The following DIS3L2 variants were observed in gnomAD, a reference collection of about 807,000 sequenced individuals.
DIS3L2 encodes DIS3 like 3'-5' exoribonuclease 2, also known as DIS3-like exonuclease 2.
DIS3L2 carries 34 observed loss-of-function variants against 97.5 expected under a neutral mutation model. That is an observed-to-expected ratio of 0.35 (90% CI 0.27 to 0.46). The LOEUF is 0.46. DIS3L2 is among the 20% of genes least tolerant of loss of function. The pLI is 1.00. For missense variants in DIS3L2, 1,038 were observed against 1,146.0 expected (o/e 0.91, Z 1.36); for synonymous variants, 435 against 445.2 (o/e 0.98, Z 0.29).
chr2:232,289,638 C>T (rs1694544391), intron 13 of DIS3L2, among the ~76,000 whole-genome samples: 1 of 152,208 alleles, frequency 6.6e-6, no homozygotes, highest in Non-Finnish European at 1.5e-5. Context: ...AACATACTAA[C>T]CCACCCTTGA....
At chr2:231,989,320 AATGT>A (rs1292648285) in intron 1 of DIS3L2, among the ~76,000 whole-genome samples, 2 of 147,534 alleles carry the variant, frequency 1.4e-5, no homozygotes, top group African/African-American at 2.5e-5. Context: ...GAGTTTTAAA[AATGT>A]ATGTGTCAGT....
intron 4 of DIS3L2, 27 bp downstream of exon 4, chr2:232,024,357 T>C (rs761693564): frequency 1.3e-6 from 2 of 1,536,926 alleles, no homozygotes; most frequent in South Asian, 2.4e-5. Flanking sequence ...TATAATAAAC[T>C]TTATGTCACA....
At chr2:232,201,278 A>G (rs1007783354) in intron 9 of DIS3L2, among the ~76,000 whole-genome samples, 2 of 152,258 alleles carry the variant, frequency 1.3e-5, no homozygotes, top group African/African-American at 2.4e-5. Flanking sequence ...ATTTGAGGCC[A>G]GAATGTTCAC....
chr2:232,061,903 C>CTGTA (rs1695719347), intron 5 of DIS3L2, among the ~76,000 whole-genome samples: 1 of 152,220 alleles, frequency 6.6e-6, no homozygotes, highest in African/African-American at 2.4e-5. Flanking sequence ...GGTGCTGATG[C>CTGTA]TGTACCACAC....
chr2:232,244,476 T>C (rs1192725874), intron 11 of DIS3L2, among the ~76,000 whole-genome samples: 7 of 152,230 alleles, frequency 4.6e-5, no homozygotes, highest in Non-Finnish European at 1.0e-4. Context: ...CTTTGTCTTC[T>C]CCATGTGGAG....
At chr2:232,185,415 C>T (rs552887707) in intron 9 of DIS3L2, among the ~76,000 whole-genome samples, 2 of 152,092 alleles carry the variant, frequency 1.3e-5, no homozygotes, top group Non-Finnish European at 2.9e-5. Flanking sequence ...AATGAAAGCA[C>T]AACATATTAA....
At chr2:232,252,389 G>A (rs1693442596) in intron 12 of DIS3L2, among the ~76,000 whole-genome samples, 2 of 152,222 alleles carry the variant, frequency 1.3e-5, no homozygotes, top group Admixed American at 6.5e-5. Context: ...AGCTTGGGCA[G>A]TAAGAGTGAA....
At chr2:232,127,695 C>T (rs73003121) in intron 6 of DIS3L2, among the ~76,000 whole-genome samples, 1,712 of 152,318 alleles carry the variant, frequency 0.011, 17 homozygotes, top group Non-Finnish European at 0.016. Flanking sequence ...ATTCTCATCT[C>T]TAGCCATGCC....
At chr2:232,267,604 G>GT (rs1457868691) in intron 13 of DIS3L2, among the ~76,000 whole-genome samples, 1 of 152,158 alleles carries the variant, frequency 6.6e-6, no homozygotes, top group Admixed American at 6.5e-5. Flanking sequence ...ACTTTTTTAT[G>GT]TTTGTAGTAA....
At chr2:232,170,254 G>A (rs146424992) in intron 9 of DIS3L2, among the ~76,000 whole-genome samples, 35 of 152,210 alleles carry the variant, frequency 2.3e-4, no homozygotes, top group African/African-American at 8.4e-4. Flanking sequence ...CATTCATATT[G>A]TTTTGTTTCC....
At chr2:232,290,228 G>T (rs1373429329) in intron 13 of DIS3L2, among the ~76,000 whole-genome samples, 3 of 152,236 alleles carry the variant, frequency 2.0e-5, no homozygotes, top group Admixed American at 6.5e-5. Context: ...GGCTGCATGT[G>T]ACACACGCAG....
Position 231,982,616 on chromosome 2 carries a change from A to G in DIS3L2, c.-94+20851A>G, listed in dbSNP as rs1693293771. Among the ~76,000 whole-genome samples the G allele has an allele frequency of 2.0e-5, 3 of 151,682 alleles. No individual in the cohort carries two copies. The South Asian group carries it at 6.2e-4, about 31-fold the overall frequency. Reference sequence around the variant, plus strand: ...GAAATCTTTTTTCTATTGATCTGAAATGCCTCCTTTATCATATACTAAATA... The same window carrying G: ...GAAATCTTTTTTCTATTGATCTGAAGTGCCTCCTTTATCATATACTAAATA... On this transcript the variant is annotated intron_variant, in intron 1 of 20. Coordinates refer to ENST00000325385, the MANE Select transcript of DIS3L2 (RefSeq NM_152383.5).
intron 13 of DIS3L2, among the ~76,000 whole-genome samples, chr2:232,294,686 T>G (rs745550425): frequency 1.7e-4 from 26 of 152,162 alleles, no homozygotes; most frequent in Non-Finnish European, 3.1e-4. Flanking sequence ...ACTCCTCTCC[T>G]TGACCTCTCA....
At chr2:232,336,096 A>C (rs1695934493) in intron 20 of DIS3L2, 1 of 1,543,570 alleles carries the variant, frequency 6.5e-7, no homozygotes, top group Non-Finnish European at 8.7e-7. Flanking sequence ...TGGAGAGAGG[A>C]GGGGCTCTGC....
At chr2:232,108,069 G>C (rs1413787023) in intron 6 of DIS3L2, among the ~76,000 whole-genome samples, 1 of 152,084 alleles carries the variant, frequency 6.6e-6, no homozygotes, top group African/African-American at 2.4e-5. Context: ...ACCTGGCAGA[G>C]TTAAATCAAA....
At chr2:232,050,331 G>A (rs1383350485) in intron 5 of DIS3L2, among the ~76,000 whole-genome samples, 1 of 152,142 alleles carries the variant, frequency 6.6e-6, no homozygotes, top group Non-Finnish European at 1.5e-5. Context: ...TAGTGCAATG[G>A]CGTGATTTTG....
In DIS3L2 at chr2:232,336,535, G is replaced by A. The variant is rs547016377; in HGVS notation, c.2563G>A (p.Ala855Thr). 60 of 1,610,466 alleles carry A rather than the reference G, an allele frequency of 3.7e-5. No individual in the cohort carries two copies. The highest frequency in any genetic ancestry group is 1.8e-4 in the South Asian group (16 of 91,050). ...AGAGTCCACAGCCCTCAAGTACAGC[G>A]CCATCCTGAAGCGGCCAGGCACCCA... ...QAESTALKYS[A>T]ILKRPGTQGH... The change falls in exon 21 of 21, where the codon GCC (alanine) becomes ACC (threonine). Residue 855 changes from alanine (A) to threonine (T), a missense_variant. Around this residue, in one of 3 missense-constraint regions of DIS3L2, gnomAD observed 221 missense variants for 246.9 expected, o/e 0.90. Coordinates refer to ENST00000325385, the MANE Select transcript of DIS3L2 (RefSeq NM_152383.5).
In DIS3L2 at chr2:232,314,783, G is replaced by A. The variant is rs187605293; in HGVS notation, c.1739+14664G>A. On this transcript the variant is annotated intron_variant, in intron 14 of 20. Transcript: ENST00000325385. Reference sequence around the variant, plus strand: ...CCTCCATTCTGGGGAGCCTCCTGGCGCTGCAGCAATCCAGCATGACTCGGA... The same window carrying A: ...CCTCCATTCTGGGGAGCCTCCTGGCACTGCAGCAATCCAGCATGACTCGGA... Among the ~76,000 whole-genome samples the A allele has an allele frequency of 2.0e-4, 30 of 152,302 alleles. No homozygotes were observed. In the East Asian group the frequency reaches 4.6e-3, roughly 24 times the overall value.
chr2:232,253,007 A>G (rs1302190231), intron 12 of DIS3L2, among the ~76,000 whole-genome samples: 1 of 152,212 alleles, frequency 6.6e-6, no homozygotes, highest in African/African-American at 2.4e-5. Context: ...AGTCTAAACT[A>G]TAGTTTGTGT....
Sources: gnomAD v4.1 joint callset for allele counts (sites outside exome capture counted in the v4.1 genomes callset) on GRCh38, gnomAD v4.1.1 for gene constraint, gnomAD v4.1.1 regional missense constraint, MANE v1.5 for transcripts, NCBI Gene and HGNC (gene_info 2026-07-23, HGNC 2026-07-21) for gene names.